The following TEPSIN variants were observed in gnomAD, a reference collection of about 807,000 sequenced individuals.
TEPSIN encodes TEPSIN adaptor related protein complex 4 accessory protein.
Under a neutral mutation model 48.5 loss-of-function variants are expected in TEPSIN, and 50 were observed. That is an observed-to-expected ratio of 1.03 (90% CI 0.82 to 1.31). TEPSIN has a LOEUF of 1.31. TEPSIN is among the 50% of genes most tolerant of loss of function. The probability of loss-of-function intolerance (pLI) is 0.00; values close to 1 mark genes in which losing one functional copy is unlikely to be tolerated. For synonymous variants in TEPSIN, 392 were observed against 358.8 expected (o/e 1.09, Z -1.05); for missense variants, 838 against 815.9 (o/e 1.03, Z -0.33).
rs952792048 is a variant in TEPSIN at position 81,230,302 on chromosome 17, A to G, written c.1233+242T>C. 5.8e-6 allele frequency: 3 copies of G among 514,338 alleles called. No individual in the cohort carries two copies. Among genetic ancestry groups the G allele is most frequent in the Non-Finnish European group, 1.0e-5 (3 of 294,580 alleles). 31.9% of individuals were successfully genotyped at this position (514,338 alleles called of 1,614,324 possible). On this transcript the variant is annotated intron_variant, in intron 12 of 12. Transcript: ENST00000637944. The surrounding 1 kb of genome is among the most constrained non-coding windows in gnomAD (Gnocchi z 4.2). ...AAGGCAGCGGAGTCTGGGGGCTTCCAGGAATAGGTAGAGGCCAGTGTACTG... is the reference window on the plus strand; with the variant it reads ...AAGGCAGCGGAGTCTGGGGGCTTCCGGGAATAGGTAGAGGCCAGTGTACTG...
rs1378944088 is a variant in TEPSIN at position 81,230,372 on chromosome 17, G to A, written c.1233+172C>T. The A allele has an allele frequency of 2.4e-6, 2 of 844,348 alleles. No individual in the cohort carries two copies. The highest frequency in any genetic ancestry group is 1.7e-5 in the African/African-American group (1 of 57,684). The allele number at this position is 844,348 out of a possible 1,614,324, so 52.3% of individuals were successfully genotyped here. A position where few individuals can be genotyped will look rare whatever the true frequency, so the allele number is the denominator to read the frequency against. ...GTGGAAGGCGGGAAGGCAATGGGGAGGTGAGGACCCTGACTTGCTGCTGCT... is the reference window on the plus strand; with the variant it reads ...GTGGAAGGCGGGAAGGCAATGGGGAAGTGAGGACCCTGACTTGCTGCTGCT... On this transcript the variant is annotated intron_variant, in intron 12 of 12. Transcript: ENST00000637944. This position sits in a 1 kb window ranked among gnomAD's most constrained non-coding sequence, Gnocchi z 4.2.
chr17:81,233,329 G>T lies in TEPSIN; in HGVS notation c.526+103C>A. Reference sequence around the variant, plus strand: ...GTTGAGGCCATGTAGGGGAGGGGACGGGGGACAGCAGCTACTAGATGGGGC... The same window carrying T: ...GTTGAGGCCATGTAGGGGAGGGGACTGGGGACAGCAGCTACTAGATGGGGC... On this transcript the variant is annotated intron_variant, in intron 7 of 12. Transcript: ENST00000637944. The surrounding 1 kb of genome is among the most constrained non-coding windows in gnomAD (Gnocchi z 5.8). The T allele has an allele frequency of 7.3e-7, 1 of 1,361,876 alleles. No homozygotes were observed. The highest frequency in any genetic ancestry group is 2.5e-5 in the East Asian group (1 of 40,692). The allele number at this position is 1,361,876 out of a possible 1,614,324, so 84.4% of individuals were successfully genotyped here.
At position 81,229,163 on chromosome 17, in the gene TEPSIN, C is replaced by T. The variant is rs144459016; in HGVS notation, c.1547G>A (p.Arg516Gln). 3.2e-5 allele frequency: 52 copies of T among 1,610,886 alleles called. 1 individual carries two copies. The Middle Eastern group carries it at 9.9e-4, about 31-fold the overall frequency. Reference sequence around the variant, plus strand: ...TGGGCTGTCCGTGCCCCCTGGGATCCGTTCAGGTCTCCACCGCCTGCTTTC... The same window carrying T: ...TGGGCTGTCCGTGCCCCCTGGGATCTGTTCAGGTCTCCACCGCCTGCTTTC... The part of the protein sequence containing the change: ...LAESRRWRPE[R>Q]IPGGTDSPKR... Residue 516 changes from arginine to glutamine, a missense_variant, in exon 13 of 13, where the codon CGG becomes CAG. By Grantham distance (43) the Arg-to-Gln change is conservative (BLOSUM62 1). Coordinates refer to ENST00000637944, the MANE Select transcript of TEPSIN (RefSeq NM_001363764.2).
intron 4 of TEPSIN, among the ~76,000 whole-genome samples, chr17:81,235,348 C>T (rs2062702315): frequency 6.6e-6 from 1 of 152,222 alleles, no homozygotes; most frequent in African/African-American, 2.4e-5. Context: ...CACTGCACAC[C>T]CACCACCTGG....
At chr17:81,237,165 C>CT (rs900193000) in intron 2 of TEPSIN, 94 bp from the exon 3 acceptor site, 23 of 1,345,230 alleles carry the variant, frequency 1.7e-5, no homozygotes, top group Middle Eastern at 4.3e-4. Context: ...TTCACGCTCC[C>CT]TGGAGGCGCC....
Position 81,229,288 on chromosome 17 carries a change from G to A in TEPSIN, c.1422C>T (p.Pro474=). The A allele has an allele frequency of 3.2e-6, 5 of 1,577,034 alleles. No homozygotes were observed. The highest frequency in any genetic ancestry group is 3.4e-6 in the Non-Finnish European group (4 of 1,161,428). ...CAGGGCTGGACGGCATCCCAGATGAGGGAGCAGGGCTCCGGGACGAGACCG... is the reference window on the plus strand; with the variant it reads ...CAGGGCTGGACGGCATCCCAGATGAAGGAGCAGGGCTCCGGGACGAGACCG... The part of the protein sequence containing the change: ...STPVSSRSPA[P]SSGMPSSPVP... The change falls in exon 13 of 13, where the codon CCC becomes CCT. Residue 474 remains proline, a synonymous_variant. Coordinates refer to ENST00000637944, the MANE Select transcript of TEPSIN (RefSeq NM_001363764.2).
intron 4 of TEPSIN, among the ~76,000 whole-genome samples, chr17:81,235,748 T>C (rs2062708980): frequency 6.6e-6 from 1 of 152,176 alleles, no homozygotes; most frequent in African/African-American, 2.4e-5. Context: ...CCCAAAGCTG[T>C]GAGGAGCTCT....
Position 81,229,246 on chromosome 17 carries a change from T to TG in TEPSIN, c.1463dup (p.Asp489ArgfsTer27), listed in dbSNP as rs1598345437. 2.8e-5 allele frequency: 9 copies of TG among 324,840 alleles called. No homozygotes were observed. The Admixed American group carries it at 5.1e-4, about 19-fold the overall frequency. The allele number at this position is 324,840 out of a possible 1,614,324, so 20.1% of individuals were successfully genotyped here. On this transcript the variant is annotated frameshift_variant, in exon 13 of 13. Coordinates refer to ENST00000637944, the MANE Select transcript of TEPSIN (RefSeq NM_001363764.2). LOFTEE classifies it low-confidence loss of function (END_TRUNC). ...CGGGGGCTGGAATGGGGGAGGCATC[T>TG]GGGGGTGGGGTGGGCACAGGGCTGG... is the stretch of plus-strand genomic sequence containing the variant.
intron 4 of TEPSIN, among the ~76,000 whole-genome samples, chr17:81,236,211 C>G (rs976268154): frequency 6.6e-6 from 1 of 152,190 alleles, no homozygotes. Context: ...ACCGACTGGC[C>G]GGGGCCCCGC....
At chr17:81,236,307 T>C (rs1202685074) in intron 4 of TEPSIN, among the ~76,000 whole-genome samples, 1 of 152,040 alleles carries the variant, frequency 6.6e-6, no homozygotes, top group African/African-American at 2.4e-5. Context: ...ACCCACAGCC[T>C]GGGAAGGATG....
chr17:81,233,948 C>T lies in TEPSIN; in HGVS notation c.375+33G>A. On this transcript the variant is annotated intron_variant, in intron 5 of 12. Transcript: ENST00000637944. The surrounding 1 kb of genome is among the most constrained non-coding windows in gnomAD (Gnocchi z 5.8). ...TCCCACCCCTCTACAGGAGGAGGGG[C>T]ACCCCGCAGAGCGACACTGCTCCTG... 1 of 1,582,042 alleles carries T rather than the reference C, an allele frequency of 6.3e-7. No homozygotes were observed. The highest frequency in any genetic ancestry group is 8.6e-7 in the Non-Finnish European group (1 of 1,169,424).
chr17:81,233,836 A>C lies in TEPSIN; in HGVS notation c.376-120T>G. ...CTTCTCCTGAGCCACTCAGCTGGACACAGGCTCTGTGTCCACCAGCAAGGA... is the reference window on the plus strand; with the variant it reads ...CTTCTCCTGAGCCACTCAGCTGGACCCAGGCTCTGTGTCCACCAGCAAGGA... On this transcript the variant is annotated intron_variant, in intron 5 of 12. Transcript: ENST00000637944. The surrounding 1 kb of genome is among the most constrained non-coding windows in gnomAD (Gnocchi z 5.8). 1.5e-6 allele frequency: 2 copies of C among 1,371,496 alleles called. No homozygotes were observed. Among genetic ancestry groups the C allele is most frequent in the Non-Finnish European group, 2.0e-6 (2 of 1,017,094 alleles). 85.0% of individuals were successfully genotyped at this position (1,371,496 alleles called of 1,614,324 possible). A position where few individuals can be genotyped will look rare whatever the true frequency, so the allele number is the denominator to read the frequency against.
At chr17:81,238,693 C>G in intron 1 of TEPSIN, 5 of 1,208,788 alleles carry the variant, frequency 4.1e-6, no homozygotes, top group Non-Finnish European at 5.1e-6. Flanking sequence ...GCCGCTCCTT[C>G]CCTCCCGTCG....
At position 81,233,990 on chromosome 17, in the gene TEPSIN, C is replaced by T. The variant is rs776251579; in HGVS notation, c.366G>A (p.Ala122=). ...CTGCTCCTGGGCTCACCTGCGCGGC[C>T]GCGCGAACCTTCTGGTACAAGCTGT... ...HGNSLYQKVR[A]AAQDLGSTLF... Residue 122 remains alanine, a synonymous_variant, in exon 5 of 13, where the codon GCG becomes GCA. Transcript: ENST00000637944. The surrounding 1 kb of genome is among the most constrained non-coding windows in gnomAD (Gnocchi z 5.8). 42 of 1,599,312 alleles carry T rather than the reference C, an allele frequency of 2.6e-5. No individual in the cohort carries two copies. The highest frequency in any genetic ancestry group is 6.8e-5 in the African/African-American group (5 of 74,034).
intron 11 of TEPSIN, 153 bp downstream of exon 11, chr17:81,231,243 GCA>G (rs907118035): frequency 1.5e-5 from 11 of 737,868 alleles, no homozygotes; most frequent in Admixed American, 5.6e-5. Context: ...ACACCCACAC[GCA>G]CACACACAGG....
In TEPSIN at chr17:81,238,973, C is replaced by T. The variant is rs770662788; in HGVS notation, c.48+13G>A. On this transcript the variant is annotated intron_variant, in intron 1 of 12. Transcript: ENST00000637944. ...CCGTGGGACCGGGGCCCGGGCGGAC[C>T]GCCCTCACTCACCCGGTGTAGAAAG... 51 of 1,449,878 alleles carry T rather than the reference C, an allele frequency of 3.5e-5. No individual in the cohort carries two copies. In the South Asian group the frequency reaches 4.6e-4, roughly 13 times the overall value. 89.8% of individuals were successfully genotyped at this position (1,449,878 alleles called of 1,614,324 possible).
At chr17:81,237,100 G>A (rs775647793) in intron 2 of TEPSIN, 29 bp from the exon 3 acceptor site, 27 of 1,557,232 alleles carry the variant, frequency 1.7e-5, no homozygotes, top group East Asian at 4.8e-5. Context: ...AGGGAAGGGC[G>A]AGATGATGAG....
At position 81,228,722 on chromosome 17, in the gene TEPSIN, TG is replaced by T. The variant is rs2062517258; in HGVS notation, c.*205del. The T allele has an allele frequency of 1.6e-6, 1 of 641,882 alleles. No individual in the cohort carries two copies. The highest frequency in any genetic ancestry group is 2.6e-6 in the Non-Finnish European group (1 of 377,598). The allele number at this position is 641,882 out of a possible 1,614,324, so 39.8% of individuals were successfully genotyped here. A position where few individuals can be genotyped will look rare whatever the true frequency, so the allele number is the denominator to read the frequency against. On this transcript the variant is annotated 3_prime_UTR_variant, in exon 13 of 13. Transcript: ENST00000637944. ...CCTGAGATCGACATTTCTGAAGCCC[TG>T]CCACCTGCCATCCCTCGTAGGGATT...
rs781188222 is a variant in TEPSIN at position 81,232,008 on chromosome 17, C to G, written c.744G>C (p.Gln248His). Residue 248 changes from glutamine (Q) to histidine (H), a missense_variant, in exon 9 of 13, where the codon CAG (glutamine) becomes CAC (histidine). Gln to His is a conservative substitution (Grantham distance 24). Transcript: ENST00000637944. Reference protein sequence around the residue: ...AIPGPRAVRHQPGQAGGGWDE... With the variant: ...AIPGPRAVRHHPGQAGGGWDE... ...CCCAGCCCCCTCCGGCCTGCCCAGG[C>G]TGATGCCTCACAGCTGGAGGAAACA... 2 of 1,609,770 alleles carry G rather than the reference C, an allele frequency of 1.2e-6. No individual in the cohort carries two copies. The highest frequency in any genetic ancestry group is 1.7e-6 in the Non-Finnish European group (2 of 1,179,792).
Sources: gnomAD v4.1 joint callset for allele counts (sites outside exome capture counted in the v4.1 genomes callset) on GRCh38, gnomAD v4.1.1 for gene constraint, Gnocchi (gnomAD v3.1) non-coding constraint, MANE v1.5 for transcripts, NCBI Gene and HGNC (gene_info 2026-07-23, HGNC 2026-07-21) for gene names.